Variants in TTN observed in about 807,000 individuals in gnomAD.
TTN encodes titin.
A neutral mutation model predicts 3,223.0 loss-of-function variants in TTN; 1,525 were observed. That is an observed-to-expected ratio of 0.47 (90% confidence interval 0.45 to 0.49). TTN has a LOEUF of 0.49. Ranked by LOEUF, TTN falls within the 20% of genes least tolerant of loss-of-function variation. The probability of loss-of-function intolerance (pLI) is 0.00; values close to 1 mark genes in which losing one functional copy is unlikely to be tolerated. For missense variants in TTN, 40,786 were observed against 43,424.0 expected (o/e 0.94, Z 5.40); for synonymous variants, 14,094 against 15,161.0 (o/e 0.93, Z 5.17).
chr2:178,610,524 G>A, intron 270 of TTN, 135 bp from the exon 271 acceptor site: 2 of 948,132 alleles, frequency 2.1e-6, no homozygotes, highest in Non-Finnish European at 3.1e-6. Context: ...TCACACTGCA[G>A]AGCATTTAGC....
At chr2:178,654,356 C>T in intron 192 of TTN, 65 bp from the exon 193 acceptor site, 2 of 1,563,190 alleles carry the variant, frequency 1.3e-6, no homozygotes, top group Non-Finnish European at 1.7e-6. Context: ...CCACATTTAC[C>T]CAAGCAAATA....
At chr2:178,679,289 T>G (rs2068787102) in intron 142 of TTN, 50 bp downstream of exon 142, 1 of 1,585,294 alleles carries the variant, frequency 6.3e-7, no homozygotes, top group Non-Finnish European at 8.7e-7. Flanking sequence ...CAAGTTATGC[T>G]GCATGGGTGA....
At chr2:178,774,720 T>A in intron 29 of TTN, 1 of 734,900 alleles carries the variant, frequency 1.4e-6, no homozygotes, top group Non-Finnish European at 2.1e-6. Context: ...AAAATCAAGA[T>A]AATACTACTT....
chr2:178,643,712 C>CA (rs1183251973), intron 218 of TTN, among the ~76,000 whole-genome samples: 1 of 151,518 alleles, frequency 6.6e-6, no homozygotes, highest in African/African-American at 2.4e-5. Flanking sequence ...TGTTTATGAT[C>CA]AATATCCATG....
chr2:178,538,424 T>A, intron 354 of TTN, 116 bp downstream of exon 354: 1 of 1,039,152 alleles, frequency 9.6e-7, no homozygotes, highest in Non-Finnish European at 1.3e-6. Context: ...CTTGCTTTTC[T>A]TTCTTAACAC....
rs555324138 is a variant in TTN at position 178,740,144 on chromosome 2, G to T, written c.13089C>A (p.Pro4363=). 1 of 1,613,722 alleles carries T rather than the reference G, an allele frequency of 6.2e-7. No individual in the cohort carries two copies. The highest frequency in any genetic ancestry group is 8.5e-7 in the Non-Finnish European group (1 of 1,179,798). ...PDQIIESKRE[P]VAIKKVQEVQ... is the part of the protein sequence containing the mutation. ...CCTCCTGCACTTTCTTTATTGCCAC[G>T]GGCTCTCTTTTAGACTCAATGATTT... is the stretch of plus-strand genomic sequence containing the variant. The change falls in exon 48 of 363, where the codon CCC becomes CCA. Residue 4363 remains proline, a synonymous_variant. Coordinates refer to ENST00000589042, the MANE Select transcript of TTN (RefSeq NM_001267550.2).
chr2:178,738,303 G>A lies in TTN; in HGVS notation c.14150C>T (p.Ala4717Val). 6.2e-7 allele frequency: 1 copy of A among 1,613,536 alleles called. No individual in the cohort carries two copies. The highest frequency in any genetic ancestry group is 8.5e-7 in the Non-Finnish European group (1 of 1,179,684). Residue 4717 changes from alanine (A) to valine (V), a missense_variant, in exon 49 of 363, where the codon GCC (alanine) becomes GTC (valine). Coordinates refer to ENST00000589042, the MANE Select transcript of TTN (RefSeq NM_001267550.2). The part of the protein sequence containing the change: ...EPLEVALGHL[A>V]KFTCEIQSAP... ...ACTTTGGATCTCACAGGTGAATTTG[G>A]CTAGGTGGCCCAGTGCTACTTCCAG...
chr2:178,624,694 C>T lies in TTN; in HGVS notation c.44586G>A (p.Gln14862=). ...CTGCAGTGGCTCCCTCTTCGACCGT[C>T]TGGTCCTCAAGAGGCTTAGTGAATT... ...PVEFTKPLED[Q]TVEEGATAVL... is the part of the protein sequence containing the mutation. Residue 14862 remains glutamine, a synonymous_variant, in exon 242 of 363, where the codon CAG becomes CAA. Coordinates refer to ENST00000589042, the MANE Select transcript of TTN (RefSeq NM_001267550.2). The T allele has an allele frequency of 6.2e-7, 1 of 1,612,412 alleles. No individual in the cohort carries two copies. Among genetic ancestry groups the T allele is most frequent in the Non-Finnish European group, 8.5e-7 (1 of 1,178,998 alleles).
chr2:178,527,252 T>C lies in TTN; in HGVS notation c.107736A>G (p.Lys35912=), dbSNP rs1327005129. ...TGAAAGCACAGGCTACTGTTAGAAC[T>C]TTGCCTTCATCAATGCTGATATCAG... ...LPSDISIDEG[K]VLTVACAFTG... is the part of the protein sequence containing the mutation. Residue 35912 remains lysine, a synonymous_variant, in exon 363 of 363, where the codon AAA becomes AAG. Transcript: ENST00000589042. 2 of 1,612,764 alleles carry C rather than the reference T, an allele frequency of 1.2e-6. No individual in the cohort carries two copies. The highest frequency in any genetic ancestry group is 1.7e-5 in the Admixed American group (1 of 59,898).
At position 178,767,793 on chromosome 2, in the gene TTN, T is replaced by A. The variant is rs1486897158; in HGVS notation, c.9437A>T (p.Asp3146Val). The change falls in exon 40 of 363, where the codon GAT becomes GTT. Residue 3146 changes from aspartate to valine, a missense_variant. By Grantham distance (152) the Asp-to-Val change is radical (BLOSUM62 -3). Transcript: ENST00000589042. ...STAKLFVEGR[D>V]VRIRSIKKEV... ...CTTTTTAATACTTCGGATGCGAACA[T>A]CTCTGCCTTCTACAAAGAGTTTTGC... is the stretch of plus-strand genomic sequence containing the variant. 6.2e-7 allele frequency: 1 copy of A among 1,614,160 alleles called. No individual in the cohort carries two copies. Among genetic ancestry groups the A allele is most frequent in the South Asian group, 1.1e-5 (1 of 91,090 alleles).
chr2:178,580,668 G>T, intron 316 of TTN, 59 bp from the exon 317 acceptor site: 1 of 1,499,632 alleles, frequency 6.7e-7, no homozygotes, highest in South Asian at 1.3e-5. Flanking sequence ...GTATTTCCAG[G>T]GACTGGCCTT....
chr2:178,527,160 C>T lies in TTN; in HGVS notation c.107828G>A (p.Gly35943Glu). The T allele has an allele frequency of 1.2e-6, 2 of 1,613,962 alleles. No individual in the cohort carries two copies. The highest frequency in any genetic ancestry group is 8.5e-7 in the Non-Finnish European group (1 of 1,179,888). ...GGRKIHSQEQ[G>E]RFHIENTDDL... Reference sequence around the variant, plus strand: ...ATCTGTGTTTTCAATGTGGAACCTCCCCTGTTCTTGACTGTGGATTTTTCT... The same window carrying T: ...ATCTGTGTTTTCAATGTGGAACCTCTCCTGTTCTTGACTGTGGATTTTTCT... Residue 35943 changes from glycine (G) to glutamate (E), a missense_variant, in exon 363 of 363, where the codon GGG becomes GAG. Gly to Glu is a moderately conservative substitution (Grantham distance 98). Transcript: ENST00000589042.
intron 43 of TTN, among the ~76,000 whole-genome samples, chr2:178,763,517 C>G (rs1457793342): frequency 1.3e-5 from 2 of 152,130 alleles, no homozygotes; most frequent in Non-Finnish European, 2.9e-5. Flanking sequence ...AGCTTACCTT[C>G]TAGCAGGTAC....
In TTN at chr2:178,588,847, T is replaced by C. The variant is rs1440323522; in HGVS notation, c.62878A>G (p.Lys20960Glu). 1 of 1,613,406 alleles carries C rather than the reference T, an allele frequency of 6.2e-7. No individual in the cohort carries two copies. Among genetic ancestry groups the C allele is most frequent in the Admixed American group, 1.7e-5 (1 of 59,964 alleles). The stretch of plus-strand genomic sequence containing the variant: ...TCAGGGCGACCAGGTTTATCATACT[T>C]GGTTTTGGCTATGACTGGTTTACTT... ...TESKPVIAKT[K>E]YDKPGRPDPP... Residue 20960 changes from lysine (K) to glutamate (E), a missense_variant, in exon 304 of 363, where the codon AAG becomes GAG. Lys to Glu is a moderately conservative substitution (Grantham distance 56, BLOSUM62 1). Transcript: ENST00000589042.
Position 178,630,315 on chromosome 2 carries a change from C to G in TTN, c.44207G>C (p.Cys14736Ser). The G allele has an allele frequency of 6.2e-7, 1 of 1,612,994 alleles. No individual in the cohort carries two copies. The highest frequency in any genetic ancestry group is 8.5e-7 in the Non-Finnish European group (1 of 1,179,412). The change falls in exon 239 of 363, where the codon TGT becomes TCT. Residue 14736 changes from cysteine to serine, a missense_variant. Transcript: ENST00000589042. ...CACCCCACCCGTCTGGTCCAGGCGACAGTTGTGCAAAACAAGGGAGTGTAT... is the reference window on the plus strand; with the variant it reads ...CACCCCACCCGTCTGGTCCAGGCGAGAGTTGTGCAAAACAAGGGAGTGTAT... ...GKIHSLVLHN[C>S]RLDQTGGVDF...
At position 178,538,615 on chromosome 2, in the gene TTN, T is replaced by C. The variant is rs1461001507; in HGVS notation, c.99214A>G (p.Arg33072Gly). 1 of 1,613,672 alleles carries C rather than the reference T, an allele frequency of 6.2e-7. No individual in the cohort carries two copies. The highest frequency in any genetic ancestry group is 8.5e-7 in the Non-Finnish European group (1 of 1,179,750). The change falls in exon 354 of 363, where the codon AGG (arginine) becomes GGG (glycine). Residue 33072 changes from arginine (R) to glycine (G), a missense_variant. Coordinates refer to ENST00000589042, the MANE Select transcript of TTN (RefSeq NM_001267550.2). ...CCAGTCTCATTCTCAGCAAAAACCC[T>C]GAATTCATACTCAGTAGCTTCCAGC... is the stretch of plus-strand genomic sequence containing the variant. The part of the protein sequence containing the change: ...GLLEATEYEF[R>G]VFAENETGLS...
Position 178,711,252 on chromosome 2 carries a change from T to A in TTN, c.27984A>T (p.Glu9328Asp). Residue 9328 changes from glutamate to aspartate, a missense_variant, in exon 97 of 363, where the codon GAA becomes GAT. Physicochemically the swap from Glu to Asp is conservative, Grantham distance 45 (BLOSUM62 2). Coordinates refer to ENST00000589042, the MANE Select transcript of TTN (RefSeq NM_001267550.2). Reference protein sequence around the residue: ...VVFDCAISGSEPISVSWYKDG... With the variant: ...VVFDCAISGSDPISVSWYKDG... ...CTTTATACCAAGACACGGAGATAGG[T>A]TCTGATCCACTTATGGCACAATCAA... 1 of 1,613,870 alleles carries A rather than the reference T, an allele frequency of 6.2e-7. No homozygotes were observed. The highest frequency in any genetic ancestry group is 1.7e-5 in the Admixed American group (1 of 60,010).
At position 178,775,122 on chromosome 2, in the gene TTN, C is replaced by T. The variant is rs139329751; in HGVS notation, c.6589G>A (p.Glu2197Lys). The T allele has an allele frequency of 1.2e-6, 2 of 1,613,994 alleles. No individual in the cohort carries two copies. Among genetic ancestry groups the T allele is most frequent in the South Asian group, 2.2e-5 (2 of 91,078 alleles). The part of the protein sequence containing the change: ...EKDTMATFEC[E>K]TSEPFVKVKW... ...ACTTTGACAAATGGTTCTGAAGTTT[C>T]ACATTCAAAGGTTGCCATAGTGTCT... The change falls in exon 29 of 363, where the codon GAA (glutamate) becomes AAA (lysine). Residue 2197 changes from glutamate (E) to lysine (K), a missense_variant. Transcript: ENST00000589042.
intron 12 of TTN, among the ~76,000 whole-genome samples, chr2:178,789,742 C>T (rs781649323): frequency 9.2e-5 from 14 of 152,010 alleles, no homozygotes; most frequent in Non-Finnish European, 1.6e-4. Flanking sequence ...CTAAAAAATG[C>T]TAATCTTCAT....
Sources: allele counts gnomAD v4.1 joint callset (sites outside exome capture counted in the v4.1 genomes callset), GRCh38; gene constraint gnomAD v4.1.1; transcripts MANE v1.5; gene names NCBI Gene and HGNC (gene_info 2026-07-23, HGNC 2026-07-21).